Variants in PTPRD observed in about 807,000 individuals in gnomAD.
PTPRD encodes the protein protein tyrosine phosphatase receptor type D.
PTPRD carries 34 observed loss-of-function variants against 214.5 expected under a neutral mutation model. The observed-to-expected ratio is 0.16, with a 90% CI of 0.12 to 0.21. The LOEUF is 0.21. Ranked by LOEUF, PTPRD falls within the 10% of genes least tolerant of loss-of-function variation. The pLI, the probability that PTPRD is intolerant of heterozygous loss-of-function variation, is 1.00. For missense variants in PTPRD, 2,545 were observed against 2,398.7 expected (o/e 1.06, Z -1.27); for synonymous variants, 1,128 against 845.7 (o/e 1.33, Z -5.79).
chr9:10,013,803 T>C (rs903848521), intron 4 of PTPRD, among the ~76,000 whole-genome samples: 2 of 152,006 alleles, frequency 1.3e-5, no homozygotes, highest in African/African-American at 2.4e-5. Flanking sequence ...AGCTATTTTA[T>C]ATTTTGGTTC....
chr9:9,920,940 G>A (rs973451120), intron 5 of PTPRD, among the ~76,000 whole-genome samples: 4 of 152,082 alleles, frequency 2.6e-5, no homozygotes, highest in African/African-American at 9.7e-5. Flanking sequence ...TAGTTTAACT[G>A]ATACTAAAAT....
chr9:9,400,345 G>A (rs1055236449), intron 8 of PTPRD, among the ~76,000 whole-genome samples: 4 of 151,728 alleles, frequency 2.6e-5, no homozygotes, highest in Admixed American at 6.6e-5. Flanking sequence ...ATAAAGCAGG[G>A]AATATTTAAA....
intron 11 of PTPRD, among the ~76,000 whole-genome samples, chr9:9,013,792 C>T (rs1355357468): frequency 6.6e-6 from 1 of 152,108 alleles, no homozygotes; most frequent in East Asian, 1.9e-4. Flanking sequence ...GGTGAAGGTG[C>T]CATTGTCAAC....
chr9:9,808,360 T>C (rs1598406590), intron 5 of PTPRD, among the ~76,000 whole-genome samples: 1 of 152,278 alleles, frequency 6.6e-6, no homozygotes, highest in Non-Finnish European at 1.5e-5. Context: ...ACTTTGGAAT[T>C]TCCTTATCTG....
At chr9:10,035,066 A>T (rs1042529812) in intron 3 of PTPRD, among the ~76,000 whole-genome samples, 5 of 152,178 alleles carry the variant, frequency 3.3e-5, no homozygotes, top group African/African-American at 1.2e-4. Flanking sequence ...TTACACTACT[A>T]CCAACAGTGT....
intron 12 of PTPRD, among the ~76,000 whole-genome samples, chr9:8,669,949 C>T (rs1365674231): frequency 2.6e-5 from 4 of 151,986 alleles, no homozygotes; most frequent in Non-Finnish European, 5.9e-5. Context: ...TTTCTCTCTC[C>T]TCTCCTACTT....
chr9:10,351,774 G>C (rs1325195472), intron 2 of PTPRD, among the ~76,000 whole-genome samples: 2 of 151,360 alleles, frequency 1.3e-5, no homozygotes, highest in Non-Finnish European at 2.9e-5. Flanking sequence ...AGCTTTTTGA[G>C]GAATGAAAAT....
chr9:8,505,700 G>A (rs2097531126), intron 22 of PTPRD, among the ~76,000 whole-genome samples: 1 of 151,526 alleles, frequency 6.6e-6, no homozygotes, highest in Non-Finnish European at 1.5e-5. Context: ...CATCCCTAGG[G>A]TGTTCTGACT....
rs573201435 is a variant in PTPRD at position 8,348,947 on chromosome 9, G to A, written c.4662-6969C>T. Among the ~76,000 whole-genome samples the A allele has an allele frequency of 8.7e-4, 132 of 152,064 alleles. No homozygotes were observed. The Middle Eastern group carries it at 0.014, about 16-fold the overall frequency. On this transcript the variant is annotated intron_variant, in intron 39 of 45. Transcript: ENST00000381196. The stretch of plus-strand genomic sequence containing the variant: ...GGTTATTATCCTTATGCCAGTTGGC[G>A]CTCTCCTCCAGGGAAAAGACAACAG...
At chr9:9,631,197 A>G (rs11793550) in intron 7 of PTPRD, among the ~76,000 whole-genome samples, 93 of 60,020 alleles carry the variant, frequency 1.5e-3, no homozygotes, top group Middle Eastern at 0.013. Context: ...TCATTCATAA[A>G]TAAATAAATA....
chr9:10,054,510 G>C (rs1289733829), intron 3 of PTPRD, among the ~76,000 whole-genome samples: 1 of 152,122 alleles, frequency 6.6e-6, no homozygotes, highest in Non-Finnish European at 1.5e-5. Context: ...ACTTACTTTA[G>C]AAAACTTGTA....
At chr9:9,122,172 T>C (rs1258679564) in intron 10 of PTPRD, among the ~76,000 whole-genome samples, 1 of 152,284 alleles carries the variant, frequency 6.6e-6, no homozygotes, top group Non-Finnish European at 1.5e-5. Context: ...GATCTTACAG[T>C]GAAATGATGT....
intron 2 of PTPRD, among the ~76,000 whole-genome samples, chr9:10,515,577 T>C (rs1255531568): frequency 9.2e-6 from 1 of 109,142 alleles, no homozygotes; most frequent in African/African-American, 2.8e-5. Flanking sequence ...TAATTTTTAT[T>C]TAAAATTTGT....
chr9:9,649,496 G>C (rs570878871), intron 7 of PTPRD, among the ~76,000 whole-genome samples: 1 of 152,106 alleles, frequency 6.6e-6, no homozygotes, highest in Non-Finnish European at 1.5e-5. Context: ...ATGAGAAAGA[G>C]TCTTCTAAAC....
At chr9:9,265,548 T>G (rs1485283921) in intron 9 of PTPRD, among the ~76,000 whole-genome samples, 1 of 151,508 alleles carries the variant, frequency 6.6e-6, no homozygotes, top group Non-Finnish European at 1.5e-5. Flanking sequence ...CATATGCAAT[T>G]TAAAAGATGT....
intron 12 of PTPRD, among the ~76,000 whole-genome samples, chr9:8,681,619 G>T (rs146382486): frequency 1.3e-5 from 2 of 152,282 alleles, no homozygotes; most frequent in African/African-American, 4.8e-5. Context: ...GATCAGGTTA[G>T]CAGCAGAAGA....
intron 7 of PTPRD, among the ~76,000 whole-genome samples, chr9:9,630,743 C>G (rs1390105287): frequency 6.6e-6 from 1 of 152,038 alleles, no homozygotes; most frequent in Non-Finnish European, 1.5e-5. Flanking sequence ...ATAATATTCA[C>G]ATATTAAATT....
chr9:10,568,975 G>C (rs1357023359), intron 2 of PTPRD, among the ~76,000 whole-genome samples: 1 of 152,038 alleles, frequency 6.6e-6, no homozygotes, highest in Non-Finnish European at 1.5e-5. Flanking sequence ...TACCATCAGA[G>C]TGAACAGGCA....
At chr9:9,721,396 T>G (rs1038540902) in intron 7 of PTPRD, among the ~76,000 whole-genome samples, 3 of 152,150 alleles carry the variant, frequency 2.0e-5, no homozygotes, top group Non-Finnish European at 4.4e-5. Flanking sequence ...GAGAAAATAG[T>G]CTTGCTCCTT....
Sources: allele counts gnomAD v4.1 joint callset (sites outside exome capture counted in the v4.1 genomes callset), GRCh38; gene constraint gnomAD v4.1.1; transcripts MANE v1.5; gene names NCBI Gene and HGNC (gene_info 2026-07-23, HGNC 2026-07-21).